The following WDR88 variants were observed in gnomAD, a reference collection of about 807,000 sequenced individuals.
WDR88 encodes WD repeat-containing protein 88.
In WDR88, 40 loss-of-function variants were observed where a neutral mutation model predicts 46.8. The observed-to-expected ratio is 0.86, with a 90% CI of 0.66 to 1.11. WDR88 has a LOEUF of 1.11. WDR88 is among the 50% of genes most tolerant of loss of function. WDR88 has a pLI of 0.00. For missense variants in WDR88, 562 were observed against 602.4 expected (o/e 0.93, Z 0.70); for synonymous variants, 235 against 240.7 (o/e 0.98, Z 0.22).
At chr19:33,148,094 C>T (rs1188329983) in intron 4 of WDR88, among the ~76,000 whole-genome samples, 1 of 151,998 alleles carries the variant, frequency 6.6e-6, no homozygotes, top group Non-Finnish European at 1.5e-5. Flanking sequence ...GGGCTGAGGC[C>T]ATGGGACAAA....
rs549076056 is a variant in WDR88, at chr19:33,164,317, A to G, written c.1149+52A>G. 1.6e-5 allele frequency: 24 copies of G among 1,533,850 alleles called. No individual in the cohort carries two copies. The East Asian group carries it at 4.7e-4, about 30-fold the overall frequency. On this transcript the variant is annotated intron_variant, in intron 9 of 10. Transcript: ENST00000355868. ...GATCACGTTCGCCAGGATTGGTGATAGTGGAAGAGTTATTGCCAAGTATAA... is the reference window on the plus strand; with the variant it reads ...GATCACGTTCGCCAGGATTGGTGATGGTGGAAGAGTTATTGCCAAGTATAA...
intron 10 of WDR88, chr19:33,174,619 CCT>C (rs1402917171): frequency 1.3e-5 from 13 of 985,044 alleles, no homozygotes; most frequent in Admixed American, 6.1e-5. Context: ...GCTTCACACC[CCT>C]GCTTTGTTCA....
At chr19:33,136,056 ATT>A (rs34431041) in intron 1 of WDR88, among the ~76,000 whole-genome samples, 44 of 136,054 alleles carry the variant, frequency 3.2e-4, no homozygotes, top group East Asian at 6.4e-4. Flanking sequence ...CACTCGGCTA[ATT>A]TTTTTTTTTT....
Position 33,135,709 on chromosome 19 carries a change from C to T in WDR88, c.277-1968C>T, listed in dbSNP as rs144248879. ...CTGGGATTACAGGCGTGAGCCACTG[C>T]GCCTGGCCGAACCGCCCGTTTTTCA... On this transcript the variant is annotated intron_variant, in intron 1 of 10. Transcript: ENST00000355868. Among the ~76,000 whole-genome samples, 8 of 152,222 alleles carry T rather than the reference C, an allele frequency of 5.3e-5. No homozygotes were observed. The East Asian group carries it at 7.7e-4, about 15-fold the overall frequency.
At position 33,156,463 on chromosome 19, in the gene WDR88, G is replaced by T; in HGVS notation, c.918G>T (p.Glu306Asp). 1 of 1,614,190 alleles carries T rather than the reference G, an allele frequency of 6.2e-7. No individual in the cohort carries two copies. The highest frequency in any genetic ancestry group is 8.5e-7 in the Non-Finnish European group (1 of 1,180,048). The change falls in exon 7 of 11, where the codon GAG becomes GAT. Residue 306 changes from glutamate to aspartate, a missense_variant. Transcript: ENST00000355868. ...AAATATGGAACGTCCACACAGGGGA[G>T]TTTCGAAACTGTGGAGCCTGTGTGA... Reference protein sequence around the residue: ...NLKIWNVHTGEFRNCGACVTL... With the variant: ...NLKIWNVHTGDFRNCGACVTL...
chr19:33,151,412 T>C (rs1973632848), intron 6 of WDR88, 102 bp downstream of exon 6: 1 of 1,437,668 alleles, frequency 7.0e-7, no homozygotes, highest in African/African-American at 1.4e-5. Context: ...GACACGTCTG[T>C]AGCTTGGTCA....
rs1973135466 is a variant in WDR88, at chr19:33,132,131, C to T, written c.-39C>T. The T allele has an allele frequency of 6.5e-7, 1 of 1,548,172 alleles. No individual in the cohort carries two copies. The highest frequency in any genetic ancestry group is 8.7e-7 in the Non-Finnish European group (1 of 1,151,734). ...GGGCGCGCGGCGCCACCGTTCCCAT[C>T]CAGGCTTGTCGGCGGCCACCGGCGG... On this transcript the variant is annotated 5_prime_UTR_variant, in exon 1 of 11. Coordinates refer to ENST00000355868, the MANE Select transcript of WDR88 (RefSeq NM_173479.4).
In WDR88 at chr19:33,151,317, T is replaced by C. The variant is rs1188759739; in HGVS notation, c.809+7T>C. 2 of 1,611,450 alleles carry C rather than the reference T, an allele frequency of 1.2e-6. No homozygotes were observed. The highest frequency in any genetic ancestry group is 2.7e-5 in the African/African-American group (2 of 74,884). On this transcript the variant is annotated splice_region_variant and intron_variant, in intron 6 of 10. Coordinates refer to ENST00000355868, the MANE Select transcript of WDR88 (RefSeq NM_173479.4). ...CGCTGCTCACCATCACTAAGTGAGT[T>C]GGACCCCAGGAGGCCAGAAGGGAGT... is the stretch of plus-strand genomic sequence containing the variant.
At position 33,160,293 on chromosome 19, in the gene WDR88, G is replaced by A. The variant is rs1973843341; in HGVS notation, c.998-121G>A. On this transcript the variant is annotated intron_variant, in intron 7 of 10. Transcript: ENST00000355868. ...GGGGTCGTGGAGCCACTCCAGGAAG[G>A]GGTTTCAGTGTTGTCAGAGTGAGAT... 1.9e-5 allele frequency: 18 copies of A among 932,508 alleles called. No homozygotes were observed. In the East Asian group the frequency reaches 4.3e-4, roughly 22 times the overall value. The allele number at this position is 932,508 out of a possible 1,614,324, so 57.8% of individuals were successfully genotyped here.
rs531338131 is a variant in WDR88 at position 33,148,706 on chromosome 19, TG to T, written c.541-63del. The stretch of plus-strand genomic sequence containing the variant: ...CTCCAGCCTTGGCCTCCCAAAGCAC[TG>T]GGTTTACAGGTGTAACACACCACAC... On this transcript the variant is annotated intron_variant, in intron 4 of 10. Transcript: ENST00000355868. 156 of 1,599,124 alleles carry T rather than the reference TG, an allele frequency of 9.8e-5. 2 individuals carry two copies. In the South Asian group the frequency reaches 1.6e-3, roughly 17 times the overall value.
At chr19:33,172,715 G>C (rs1974058611) in intron 10 of WDR88, among the ~76,000 whole-genome samples, 2 of 152,088 alleles carry the variant, frequency 1.3e-5, no homozygotes, top group South Asian at 4.1e-4. Context: ...TTTAAAGGGT[G>C]GTCAGGATAG....
At chr19:33,169,070 C>CTTA (rs1182342986) in intron 9 of WDR88, among the ~76,000 whole-genome samples, 1 of 152,114 alleles carries the variant, frequency 6.6e-6, no homozygotes, top group Non-Finnish European at 1.5e-5. Context: ...GCACCCTTAC[C>CTTA]TAATACTGTA....
At chr19:33,171,188 GT>G (rs1261733066) in intron 9 of WDR88, among the ~76,000 whole-genome samples, 1 of 152,172 alleles carries the variant, frequency 6.6e-6, no homozygotes, top group East Asian at 1.9e-4. Flanking sequence ...GTTTCGCCAT[GT>G]TGGCCAGGCT....
intron 1 of WDR88, 137 bp downstream of exon 1, chr19:33,132,582 C>A: frequency 7.5e-7 from 1 of 1,333,674 alleles, no homozygotes; most frequent in South Asian, 1.4e-5. Context: ...CCCATTTCCC[C>A]ATCTGTGGTA....
intron 9 of WDR88, 42 bp from the exon 10 acceptor site, chr19:33,172,306 C>A: frequency 6.6e-7 from 1 of 1,521,152 alleles, no homozygotes; most frequent in Non-Finnish European, 9.1e-7. Flanking sequence ...TATGGATGTA[C>A]CACAGCCTGT....
intron 8 of WDR88, among the ~76,000 whole-genome samples, chr19:33,160,877 A>T (rs1973853452): frequency 1.3e-5 from 2 of 152,154 alleles, no homozygotes; most frequent in Admixed American, 6.6e-5. Context: ...GAACAGCAGA[A>T]GTTACTGTGC....
intron 10 of WDR88, chr19:33,174,664 TA>T: frequency 1.0e-6 from 1 of 985,460 alleles, no homozygotes; most frequent in South Asian, 4.7e-5. Context: ...CATGGTTCTG[TA>T]AAAGTTGGGT....
chr19:33,171,969 C>T (rs1275747733), intron 9 of WDR88, among the ~76,000 whole-genome samples: 1 of 152,126 alleles, frequency 6.6e-6, no homozygotes, highest in East Asian at 1.9e-4. Context: ...GACGGGGTTT[C>T]ACCATATTGG....
chr19:33,162,367 ATTTT>A (rs111650843), intron 8 of WDR88, among the ~76,000 whole-genome samples: 2 of 148,550 alleles, frequency 1.3e-5, no homozygotes, highest in Non-Finnish European at 3.0e-5. Flanking sequence ...TGCCCGGCTA[ATTTT>A]TTTTTTTTAA....
Sources: allele counts gnomAD v4.1 joint callset (sites outside exome capture counted in the v4.1 genomes callset), GRCh38; gene constraint gnomAD v4.1.1; transcripts MANE v1.5; gene names NCBI Gene and HGNC (gene_info 2026-07-23, HGNC 2026-07-21).